The following TATDN1 variants were observed in gnomAD, a reference collection of about 807,000 sequenced individuals.
The protein encoded by TATDN1 is deoxyribonuclease TATDN1.
In TATDN1, 40 loss-of-function variants were observed where a neutral mutation model predicts 46.4. The observed-to-expected ratio is 0.86, with a 90% confidence interval of 0.67 to 1.12. TATDN1 has a LOEUF of 1.12. Among genes scored for constraint, TATDN1 ranks in the 50% most tolerant of loss-of-function variants. The pLI is 0.00. For missense variants in TATDN1, 326 were observed against 348.4 expected, an observed-to-expected ratio of 0.94 and a Z score of 0.51; for synonymous variants, 95 against 105.6, an observed-to-expected ratio of 0.90 and a Z score of 0.62.
chr8:124,539,059 A>G lies in TATDN1; in HGVS notation c.-13T>C, dbSNP rs1235235514. On this transcript the variant is annotated 5_prime_UTR_variant, in exon 1 of 12. Transcript: ENST00000276692. ...TGAAGCGACTCATGACTGCGCATGG[A>G]GGACCTCCCCAGCGGAAGCGGAAGT... is the stretch of plus-strand genomic sequence containing the variant. 6.2e-7 allele frequency: 1 copy of G among 1,613,050 alleles called. No individual in the cohort carries two copies. Among genetic ancestry groups the G allele is most frequent in the Non-Finnish European group, 8.5e-7 (1 of 1,179,062 alleles).
chr8:124,503,017 C>CA (rs1484260081), intron 9 of TATDN1, among the ~76,000 whole-genome samples: 6 of 151,836 alleles, frequency 4.0e-5, no homozygotes, highest in Non-Finnish European at 8.8e-5. Flanking sequence ...AAAAAGAAAC[C>CA]AAAAAACAAA....
At chr8:124,506,359 A>G (rs924324511) in intron 8 of TATDN1, among the ~76,000 whole-genome samples, 1 of 150,446 alleles carries the variant, frequency 6.6e-6, no homozygotes, top group Non-Finnish European at 1.5e-5. Flanking sequence ...AAAAAAAAGA[A>G]AAAGAAAAAA....
Position 124,493,923 on chromosome 8 carries a change from C to A in TATDN1, c.701G>T (p.Gly234Val), listed in dbSNP as rs1454635651. Residue 234 changes from glycine to valine, a missense_variant, in exon 11 of 12, where the codon GGA (glycine) becomes GTA (valine). Gly to Val is a moderately radical substitution (Grantham distance 109). Transcript: ENST00000276692. ...AAATGCAGTTCTTATATATTTTGATCCAGCATGTGTACTTTTGACTCCACA... is the reference window on the plus strand; with the variant it reads ...AAATGCAGTTCTTATATATTTTGATACAGCATGTGTACTTTTGACTCCACA... ...PWCGVKSTHA[G>V]SKYIRTAFPT... The A allele has an allele frequency of 1.9e-6, 3 of 1,612,666 alleles. No individual in the cohort carries two copies. The highest frequency in any genetic ancestry group is 2.5e-6 in the Non-Finnish European group (3 of 1,179,808).
At chr8:124,495,816 T>TAA (rs1817419174) in intron 9 of TATDN1, among the ~76,000 whole-genome samples, 1 of 152,246 alleles carries the variant, frequency 6.6e-6, no homozygotes, top group South Asian at 2.1e-4. Context: ...TTTAACTTTT[T>TAA]AAAAGAATTC....
At chr8:124,525,290 C>A (rs538510462) in intron 1 of TATDN1, among the ~76,000 whole-genome samples, 2 of 152,042 alleles carry the variant, frequency 1.3e-5, no homozygotes, top group African/African-American at 4.8e-5. Context: ...GGATTATAGG[C>A]GCCCACCACC....
intron 1 of TATDN1, among the ~76,000 whole-genome samples, chr8:124,537,831 T>A (rs1289044302): frequency 6.6e-6 from 1 of 152,086 alleles, no homozygotes; most frequent in South Asian, 2.1e-4. Flanking sequence ...TCCTGGCACT[T>A]AACATATTCT....
At chr8:124,524,737 A>G (rs1290846391) in intron 1 of TATDN1, among the ~76,000 whole-genome samples, 1 of 152,170 alleles carries the variant, frequency 6.6e-6, no homozygotes, top group Non-Finnish European at 1.5e-5. Flanking sequence ...TTTTGAATAC[A>G]AGGACAAGTG....
At chr8:124,512,331 A>G (rs1467401457) in intron 6 of TATDN1, among the ~76,000 whole-genome samples, 1 of 152,206 alleles carries the variant, frequency 6.6e-6, no homozygotes, top group Non-Finnish European at 1.5e-5. Context: ...AGGCTGAGGC[A>G]GGAGAATTGC....
chr8:124,511,895 C>G (rs935048442), intron 6 of TATDN1, among the ~76,000 whole-genome samples: 1 of 152,106 alleles, frequency 6.6e-6, no homozygotes, highest in African/African-American at 2.4e-5. Flanking sequence ...AGCAATCTCC[C>G]CATTTTAAAG....
intron 4 of TATDN1, among the ~76,000 whole-genome samples, chr8:124,517,199 C>A (rs2131485797): frequency 6.6e-6 from 1 of 151,936 alleles, no homozygotes; most frequent in East Asian, 1.9e-4. Context: ...GGAGGGCAAG[C>A]CGGGCAGATC....
intron 8 of TATDN1, among the ~76,000 whole-genome samples, chr8:124,506,289 C>T (rs964886748): frequency 4.7e-5 from 6 of 128,764 alleles, no homozygotes; most frequent in South Asian, 2.4e-4. Context: ...GAGCCAAGAT[C>T]GTGCTATTGC....
At chr8:124,488,897 A>C in intron 11 of TATDN1, 2 of 509,976 alleles carry the variant, frequency 3.9e-6, no homozygotes, top group South Asian at 2.5e-5. Context: ...TGTCTTGCAT[A>C]TAACTAGAGC....
At chr8:124,501,653 G>A (rs1162982670) in intron 9 of TATDN1, among the ~76,000 whole-genome samples, 2 of 151,946 alleles carry the variant, frequency 1.3e-5, no homozygotes, top group Non-Finnish European at 2.9e-5. Context: ...TCATAAAAAG[G>A]GTTACAAAAT....
intron 3 of TATDN1, among the ~76,000 whole-genome samples, chr8:124,519,196 A>G (rs1267225185): frequency 6.6e-6 from 1 of 152,248 alleles, no homozygotes; most frequent in Non-Finnish European, 1.5e-5. Context: ...GTGTTATGAA[A>G]GCGTGAATAA....
At chr8:124,520,103 G>T (rs913860328) in intron 3 of TATDN1, among the ~76,000 whole-genome samples, 2 of 151,960 alleles carry the variant, frequency 1.3e-5, no homozygotes, top group South Asian at 4.2e-4. Flanking sequence ...TATCCATTCC[G>T]GAAACATAGC....
chr8:124,498,850 C>T (rs1817703134), intron 9 of TATDN1, among the ~76,000 whole-genome samples: 1 of 151,822 alleles, frequency 6.6e-6, no homozygotes, highest in African/African-American at 2.4e-5. Flanking sequence ...CAGGGCTTCA[C>T]TATGTTGGCC....
Position 124,539,027 on chromosome 8 carries a change from A to G in TATDN1, c.20T>C (p.Ile7Thr). The G allele has an allele frequency of 6.2e-6, 10 of 1,614,138 alleles. No individual in the cohort carries two copies. Among genetic ancestry groups the G allele is most frequent in the Non-Finnish European group, 8.5e-6 (10 of 1,180,004 alleles). Reference protein sequence around the residue: MSRFKFIDIGINLTDPM... With the variant: MSRFKFTDIGINLTDPM... ...GGCGTGGAAAACGCTCCTCTTACCG[A>G]TAAACTTGAAGCGACTCATGACTGC... The change falls in exon 1 of 12, where the codon ATC becomes ACC. Residue 7 changes from isoleucine (I) to threonine (T), a missense_variant and splice_region_variant. Transcript: ENST00000276692.
At chr8:124,526,567 G>A (rs1192550673) in intron 1 of TATDN1, 1 of 152,088 alleles carries the variant, frequency 6.6e-6, no homozygotes, top group Non-Finnish European at 1.5e-5. Flanking sequence ...GAAAACTGAA[G>A]GATTCATACA....
intron 6 of TATDN1, among the ~76,000 whole-genome samples, chr8:124,509,372 G>T (rs1413043554): frequency 1.3e-5 from 2 of 152,152 alleles, no homozygotes; most frequent in Non-Finnish European, 2.9e-5. Context: ...CTAATTCCAA[G>T]TCCCAGCCTA....
Sources: allele counts gnomAD v4.1 joint callset (sites outside exome capture counted in the v4.1 genomes callset), GRCh38; gene constraint gnomAD v4.1.1; transcripts MANE v1.5; gene names NCBI Gene and HGNC (gene_info 2026-07-23, HGNC 2026-07-21).